Variants in ARPC4 observed in about 807,000 individuals in gnomAD.
ARPC4 encodes actin related protein 2/3 complex subunit 4.
ARPC4 carries 3 observed loss-of-function variants against 22.8 expected under a neutral mutation model. The ratio of observed to expected loss-of-function variants is 0.13; its 90% confidence interval spans 0.06 to 0.34. The LOEUF (loss-of-function observed/expected upper bound fraction) is 0.34, where lower values mean the gene tolerates loss of function less well. Ranked by LOEUF, ARPC4 falls within the 10% of genes least tolerant of loss-of-function variation. The pLI is 1.00. For missense variants in ARPC4, 98 were observed against 211.0 expected (o/e 0.46, Z 3.32); for synonymous variants, 80 against 72.5 (o/e 1.10, Z -0.52).
chr3:9,792,949 G>A, upstream of ARPC4: 1 of 1,413,202 alleles, frequency 7.1e-7, no homozygotes, highest in Non-Finnish European at 9.2e-7. Flanking sequence ...GCCCTAGGTG[G>A]AAAACTTCCG....
chr3:9,796,703 A>T (rs566645724), intron 1 of ARPC4, among the ~76,000 whole-genome samples: 21 of 152,264 alleles, frequency 1.4e-4, no homozygotes, highest in Admixed American at 4.6e-4. Context: ...GCACTTTGGG[A>T]GGCCAAGGCG....
At chr3:9,792,547 G>A (rs1000833333), upstream of ARPC4, 2 of 1,227,202 alleles carry the variant, frequency 1.6e-6, no homozygotes, top group Non-Finnish European at 2.0e-6. Flanking sequence ...GAGTTTGCCG[G>A]GGGTGGGAAG....
chr3:9,792,738 G>T, upstream of ARPC4: 1 of 1,243,390 alleles, frequency 8.0e-7, no homozygotes, highest in East Asian at 3.2e-5. Flanking sequence ...TGGGGGTACA[G>T]AACCGGAAGA....
chr3:9,803,311 C>T (rs2079050963), intron 4 of ARPC4, among the ~76,000 whole-genome samples: 1 of 152,252 alleles, frequency 6.6e-6, no homozygotes, highest in Non-Finnish European at 1.5e-5. Flanking sequence ...GCAACTACCA[C>T]ACAGCAGCAT....
chr3:9,801,778 GT>G (rs745924355), intron 4 of ARPC4, 22 bp downstream of exon 4: 9 of 1,579,578 alleles, frequency 5.7e-6, no homozygotes, highest in Non-Finnish European at 7.8e-6. Flanking sequence ...TGACCCATGA[GT>G]TTGCGATACC....
chr3:9,797,610 T>G (rs748202268), intron 1 of ARPC4, 49 bp from the exon 2 acceptor site: 307 of 1,588,964 alleles, frequency 1.9e-4, no homozygotes, highest in African/African-American at 1.3e-3. Context: ...TCGGTGGGTT[T>G]GGCGTGACAG....
intron 1 of ARPC4, chr3:9,793,326 G>C: frequency 9.3e-7 from 1 of 1,079,918 alleles, no homozygotes. Flanking sequence ...CTGGTATGAA[G>C]TGGGCCTTGT....
chr3:9,794,676 G>A (rs2078842415), intron 1 of ARPC4, among the ~76,000 whole-genome samples: 1 of 151,292 alleles, frequency 6.6e-6, no homozygotes, highest in Non-Finnish European at 1.5e-5. Context: ...GCAAGATCCC[G>A]TGTCTTAAAA....
intron 3 of ARPC4, among the ~76,000 whole-genome samples, chr3:9,801,212 G>GA (rs745696982): frequency 0.39 from 25,895 of 66,366 alleles, 7,271 homozygotes; most frequent in East Asian, 0.58. Context: ...TTCCATCTCA[G>GA]AAAAAAAAAA....
At chr3:9,804,754 A>T (rs1331247846) in intron 5 of ARPC4, among the ~76,000 whole-genome samples, 1 of 152,214 alleles carries the variant, frequency 6.6e-6, no homozygotes, top group African/African-American at 2.4e-5. Context: ...AGGAGCTCAG[A>T]TTCCTAAAAA....
intron 2 of ARPC4, chr3:9,799,853 A>G (rs941221039): frequency 6.1e-6 from 3 of 490,662 alleles, no homozygotes; most frequent in African/African-American, 3.9e-5. Flanking sequence ...GCTATTAGAC[A>G]TTTGACCCTT....
At chr3:9,800,638 T>C (rs2078988603) in intron 3 of ARPC4, among the ~76,000 whole-genome samples, 3 of 152,090 alleles carry the variant, frequency 2.0e-5, no homozygotes, top group Admixed American at 1.3e-4. Context: ...TTTGCCAGGA[T>C]GGTCTCCATC....
Position 9,803,831 on chromosome 3 carries a change from C to T in ARPC4, c.331-12C>T. The T allele has an allele frequency of 6.2e-7, 1 of 1,612,036 alleles. No individual in the cohort carries two copies. The highest frequency in any genetic ancestry group is 2.2e-5 in the East Asian group (1 of 44,844). The stretch of plus-strand genomic sequence containing the variant: ...TCCTTCTCTTCCCCCTCCCTACTGT[C>T]TTCTTCCCTAGGGGTATGATATCAG... On this transcript the variant is annotated splice_polypyrimidine_tract_variant and intron_variant, in intron 4 of 5. Coordinates refer to ENST00000397261, the MANE Select transcript of ARPC4 (RefSeq NM_005718.5).
intron 5 of ARPC4, 103 bp downstream of exon 5, chr3:9,804,116 A>G (rs1245626287): frequency 7.3e-7 from 1 of 1,361,668 alleles, no homozygotes. Context: ...GTGTGTTTAT[A>G]TCTCCTGAGC....
At chr3:9,792,632 C>G (rs1232194182), upstream of ARPC4, 2 of 1,231,252 alleles carry the variant, frequency 1.6e-6, no homozygotes, top group Non-Finnish European at 2.0e-6. Flanking sequence ...GGGCACAGCC[C>G]GGGGCGGGAG....
At chr3:9,800,043 C>A in intron 2 of ARPC4, 142 bp from the exon 3 acceptor site, 1 of 787,854 alleles carries the variant, frequency 1.3e-6, no homozygotes, top group Non-Finnish European at 2.1e-6. Flanking sequence ...CACTCACTGG[C>A]CCCCATCTTG....
intron 4 of ARPC4, 196 bp from the exon 5 acceptor site, chr3:9,803,647 C>T (rs1167247056): frequency 1.5e-5 from 11 of 747,462 alleles, no homozygotes; most frequent in Non-Finnish European, 2.7e-5. Context: ...CAACGGGGTT[C>T]AGTTGCTTGG....
intron 1 of ARPC4, among the ~76,000 whole-genome samples, chr3:9,797,218 A>G (rs1029505648): frequency 2.6e-5 from 4 of 152,210 alleles, no homozygotes; most frequent in African/African-American, 9.7e-5. Flanking sequence ...GACGACAATC[A>G]TGCATTCACT....
At chr3:9,801,137 G>A (rs1315246335) in intron 3 of ARPC4, among the ~76,000 whole-genome samples, 2 of 148,310 alleles carry the variant, frequency 1.3e-5, no homozygotes, top group African/African-American at 5.0e-5. Flanking sequence ...CTTGAACCCG[G>A]GAGGCAGAGC....
Sources: allele counts gnomAD v4.1 joint callset (sites outside exome capture counted in the v4.1 genomes callset), GRCh38; gene constraint gnomAD v4.1.1; transcripts MANE v1.5; gene names NCBI Gene and HGNC (gene_info 2026-07-23, HGNC 2026-07-21).